ASH1L: variants seen among roughly 807,000 people sequenced by gnomAD.
The protein encoded by ASH1L is ASH1 like histone lysine methyltransferase.
Under a neutral mutation model 269.0 loss-of-function variants are expected in ASH1L, and 23 were observed. The observed-to-expected ratio is 0.09, with a 90% confidence interval of 0.06 to 0.12. The LOEUF is 0.12. ASH1L is among the 10% of genes least tolerant of loss of function. ASH1L has a pLI of 1.00. For synonymous variants in ASH1L, 1,187 were observed against 1,253.5 expected (o/e 0.95, Z 1.12); for missense variants, 2,912 against 3,567.8 (o/e 0.82, Z 4.68).
rs1655888607 is a variant in ASH1L at position 155,370,911 on chromosome 1, C to T, written c.6405G>A (p.Arg2135=). 4 of 1,614,172 alleles carry T rather than the reference C, an allele frequency of 2.5e-6. No individual in the cohort carries two copies. Among genetic ancestry groups the T allele is most frequent in the South Asian group, 1.1e-5 (1 of 91,082 alleles). The change falls in exon 11 of 28, where the codon AGG becomes AGA. Residue 2135 remains arginine (R), a synonymous_variant. Transcript: ENST00000392403. ...GTTCTAGACATTGCACCCATTCATG[C>T]CTCTGTATCCTCTGGTTACAGCATT... ...GEQCCNQRIQ[R]HEWVQCLERF...
chr1:155,477,959 C>G lies in ASH1L; in HGVS notation c.4911G>C (p.Gln1637His). ...TGTGAAGCCGATTTAGTGAAGTGTC[C>G]TGTGCAGAAAAGAGTCCAGGGCTGT... ...LTDSPGLFSA[Q>H]DTSLNRLHRK... Residue 1637 changes from glutamine (Q) to histidine (H), a missense_variant, in exon 3 of 28, where the codon CAG (glutamine) becomes CAC (histidine). Around this residue, in one of 13 missense-constraint regions of ASH1L, gnomAD observed 789 missense variants for 897.6 expected, o/e 0.88. Transcript: ENST00000392403. 12 of 1,614,210 alleles carry G rather than the reference C, an allele frequency of 7.4e-6. No individual in the cohort carries two copies. Among genetic ancestry groups the G allele is most frequent in the Non-Finnish European group, 1.0e-5 (12 of 1,180,036 alleles).
intron 2 of ASH1L, among the ~76,000 whole-genome samples, chr1:155,515,492 A>C (rs918555430): frequency 1.3e-5 from 2 of 152,108 alleles, no homozygotes; most frequent in African/African-American, 4.8e-5. Context: ...TCCTATTTTG[A>C]TTAATAAAGA....
chr1:155,539,417 C>A (rs1245462832), intron 1 of ASH1L, among the ~76,000 whole-genome samples: 1 of 150,282 alleles, frequency 6.7e-6, no homozygotes, highest in Non-Finnish European at 1.5e-5. Context: ...CCAGCCCAAG[C>A]TACATCCAGA....
Position 155,480,151 on chromosome 1 carries a change from C to T in ASH1L, c.2719G>A (p.Val907Ile), listed in dbSNP as rs769292706. 3.7e-5 allele frequency: 59 copies of T among 1,614,118 alleles called. No individual in the cohort carries two copies. The highest frequency in any genetic ancestry group is 4.8e-5 in the Non-Finnish European group (57 of 1,180,008). ...MRSPVKMKPP[V>I]LSVAPFVATE... ...GCAACAAATGGAGCCACTGACAGTA[C>T]AGGTGGCTTCATCTTGACTGGTGAC... The change falls in exon 3 of 28, where the codon GTA (valine) becomes ATA (isoleucine). Residue 907 changes from valine (V) to isoleucine (I), a missense_variant. By Grantham distance (29) the Val-to-Ile change is conservative. This residue lies in a region of ASH1L where 715 missense variants were observed against 721.0 expected (regional missense o/e 0.99). Coordinates refer to ENST00000392403, the MANE Select transcript of ASH1L (RefSeq NM_018489.3).
At chr1:155,346,078 T>A in intron 21 of ASH1L, 1 of 1,019,478 alleles carries the variant, frequency 9.8e-7, no homozygotes, top group Admixed American at 2.5e-5. Flanking sequence ...AGGCAATCCA[T>A]CCGCCTTAGC....
chr1:155,553,669 C>T (rs1176126208), intron 1 of ASH1L, among the ~76,000 whole-genome samples: 1 of 152,168 alleles, frequency 6.6e-6, no homozygotes, highest in Admixed American at 6.6e-5. Context: ...CCTTTCTCAC[C>T]ACAGATTGAA....
chr1:155,381,738 G>GT (rs1219145825), intron 7 of ASH1L, among the ~76,000 whole-genome samples: 3 of 151,204 alleles, frequency 2.0e-5, no homozygotes, highest in Non-Finnish European at 4.4e-5. Flanking sequence ...AGCTGGGTGT[G>GT]GTGGCACACG....
In ASH1L at chr1:155,480,915, T is replaced by C; in HGVS notation, c.1955A>G (p.Lys652Arg). ...DIPRISSSLGKKPSLTSESSI... is the reference protein window; with the variant it reads ...DIPRISSSLGRKPSLTSESSI... Reference sequence around the variant, plus strand: ...GGATTCAGAAGTCAAACTTGGCTTTTTTCCAAGGGAAGAGCTTATTCTTGG... The same window carrying C: ...GGATTCAGAAGTCAAACTTGGCTTTCTTCCAAGGGAAGAGCTTATTCTTGG... Residue 652 changes from lysine (K) to arginine (R), a missense_variant, in exon 3 of 28, where the codon AAA becomes AGA. Around this residue, in one of 13 missense-constraint regions of ASH1L, gnomAD observed 715 missense variants for 721.0 expected, o/e 0.99. Coordinates refer to ENST00000392403, the MANE Select transcript of ASH1L (RefSeq NM_018489.3). The C allele has an allele frequency of 6.2e-7, 1 of 1,613,954 alleles. No homozygotes were observed. The highest frequency in any genetic ancestry group is 1.1e-5 in the South Asian group (1 of 91,020).
intron 12 of ASH1L, among the ~76,000 whole-genome samples, chr1:155,363,856 A>ACTCT (rs912819696): frequency 6.6e-6 from 1 of 151,432 alleles, no homozygotes; most frequent in Non-Finnish European, 1.5e-5. Context: ...GCCTTTAGTT[A>ACTCT]CAGCTACTCA....
intron 6 of ASH1L, among the ~76,000 whole-genome samples, chr1:155,413,655 T>C (rs1453442690): frequency 6.6e-6 from 1 of 152,112 alleles, no homozygotes; most frequent in Non-Finnish European, 1.5e-5. Flanking sequence ...GAGCATGCTT[T>C]TCCTCCTCTT....
At chr1:155,491,917 C>T (rs1456172708) in intron 2 of ASH1L, among the ~76,000 whole-genome samples, 2 of 152,078 alleles carry the variant, frequency 1.3e-5, no homozygotes, top group East Asian at 1.9e-4. Context: ...AAGCGATCCA[C>T]TCACCTCAGC....
At chr1:155,407,015 G>A (rs1571126585) in intron 6 of ASH1L, among the ~76,000 whole-genome samples, 1 of 151,998 alleles carries the variant, frequency 6.6e-6, no homozygotes, top group East Asian at 1.9e-4. Flanking sequence ...CAAAAAAAAG[G>A]GGAATTGAAC....
chr1:155,381,376 A>G (rs957179043), intron 7 of ASH1L, among the ~76,000 whole-genome samples: 1 of 147,874 alleles, frequency 6.8e-6, no homozygotes, highest in Non-Finnish European at 1.5e-5. Flanking sequence ...AACATAGTGA[A>G]ACCCTGTATT....
intron 1 of ASH1L, among the ~76,000 whole-genome samples, chr1:155,523,345 T>C (rs965970190): frequency 6.6e-6 from 1 of 151,870 alleles, no homozygotes; most frequent in Non-Finnish European, 1.5e-5. Context: ...AGTACAAAAA[T>C]TAGCAGGGTG....
chr1:155,338,608 T>C (rs1652512063), intron 26 of ASH1L, among the ~76,000 whole-genome samples: 1 of 152,194 alleles, frequency 6.6e-6, no homozygotes, highest in South Asian at 2.1e-4. Flanking sequence ...TTATTTCTCT[T>C]AGGAATATTC....
chr1:155,538,960 G>C (rs1448864496), intron 1 of ASH1L, among the ~76,000 whole-genome samples: 2 of 151,992 alleles, frequency 1.3e-5, no homozygotes, highest in Non-Finnish European at 2.9e-5. Context: ...TCAAGTCAGA[G>C]CTACTACTAG....
At chr1:155,547,272 A>C (rs939458970) in intron 1 of ASH1L, among the ~76,000 whole-genome samples, 1 of 150,826 alleles carries the variant, frequency 6.6e-6, no homozygotes, top group Non-Finnish European at 1.5e-5. Context: ...CACCACAACT[A>C]CCATTTAAAA....
intron 6 of ASH1L, among the ~76,000 whole-genome samples, chr1:155,410,170 A>G (rs1036617294): frequency 2.6e-5 from 4 of 151,862 alleles, no homozygotes; most frequent in Non-Finnish European, 5.9e-5. Context: ...TTTGTCACTT[A>G]GGCTGGAATG....
intron 4 of ASH1L, among the ~76,000 whole-genome samples, chr1:155,439,370 A>T (rs1333338965): frequency 6.6e-6 from 1 of 152,092 alleles, no homozygotes; most frequent in Non-Finnish European, 1.5e-5. Context: ...TAAATAAAAA[A>T]TAAATTAAGG....
Sources: gnomAD v4.1 joint callset for allele counts (sites outside exome capture counted in the v4.1 genomes callset) on GRCh38, gnomAD v4.1.1 for gene constraint, gnomAD v4.1.1 regional missense constraint, MANE v1.5 for transcripts, NCBI Gene and HGNC (gene_info 2026-07-23, HGNC 2026-07-21) for gene names.